Variants in SLC1A6 observed in about 807,000 individuals in gnomAD.
SLC1A6 encodes excitatory amino acid transporter 4.
SLC1A6 carries 15 observed loss-of-function variants against 42.1 expected under a neutral mutation model. That is an observed-to-expected ratio of 0.36 (90% CI 0.24 to 0.55). SLC1A6 has a LOEUF of 0.55. Ranked by LOEUF, SLC1A6 falls within the 20% of genes least tolerant of loss-of-function variation. SLC1A6 has a pLI of 0.88. For synonymous variants in SLC1A6, 317 were observed against 319.7 expected (o/e 0.99, Z 0.09); for missense variants, 542 against 772.5 (o/e 0.70, Z 3.54).
intron 1 of SLC1A6, among the ~76,000 whole-genome samples, chr19:15,008,341 T>A (rs1451573397): frequency 6.6e-6 from 1 of 151,684 alleles, no homozygotes; most frequent in East Asian, 1.9e-4. Context: ...TGGGGCTCAG[T>A]CTCTTTAGAA....
intron 1 of SLC1A6, among the ~76,000 whole-genome samples, chr19:14,989,764 T>A (rs201653540): frequency 1.7e-4 from 3 of 18,072 alleles, no homozygotes; most frequent in East Asian, 2.0e-3. Context: ...GGGGGTGGGG[T>A]GTGGATCACC....
At position 15,000,126 on chromosome 19, in the gene SLC1A6, C is replaced by A. The variant is rs139680858; in HGVS notation, c.6+10359G>T. Among the ~76,000 whole-genome samples the A allele has an allele frequency of 4.4e-4, 67 of 151,758 alleles. No homozygotes were observed. In the East Asian group the frequency reaches 4.9e-3, roughly 11 times the overall value. ...ACTCTAGGCTAATGTAAGTGTTCTG[C>A]GCATGTTTAAGGTAGATGAGGCTAA... is the stretch of plus-strand genomic sequence containing the variant. On this transcript the variant is annotated intron_variant, in intron 1 of 8. Transcript: ENST00000430939.
At chr19:14,996,622 A>G (rs1196791223) in intron 1 of SLC1A6, among the ~76,000 whole-genome samples, 2 of 133,732 alleles carry the variant, frequency 1.5e-5, no homozygotes, top group African/African-American at 2.8e-5. Flanking sequence ...TCTATCTGAC[A>G]TGATTTTGAT....
At chr19:14,974,144 C>T (rs1189771115) in intron 1 of SLC1A6, 1 of 152,036 alleles carries the variant, frequency 6.6e-6, no homozygotes, top group Non-Finnish European at 1.5e-5. Flanking sequence ...ATCACTTGAG[C>T]TCAGGAGTTC....
chr19:14,982,437 G>A (rs1425854071), upstream of SLC1A6, among the ~76,000 whole-genome samples: 1 of 151,732 alleles, frequency 6.6e-6, no homozygotes, highest in African/African-American at 2.4e-5. Context: ...GCTGAGGCAA[G>A]AGAATTACTT....
rs999302975 is a variant in SLC1A6, at chr19:14,972,570, A to C, written c.205+136T>G. 1.8e-5 allele frequency: 12 copies of C among 680,338 alleles called. No homozygotes were observed. The Admixed American group carries it at 3.1e-4, about 18-fold the overall frequency. The allele number at this position is 680,338 out of a possible 1,614,324, so 42.1% of individuals were successfully genotyped here. A position where few individuals can be genotyped will look rare whatever the true frequency, so the allele number is the denominator to read the frequency against. The stretch of plus-strand genomic sequence containing the variant: ...TGGTGTGTCTTTATGTGGGGGGTTG[A>C]GGGTGACTGGTGGGACTGGGACGTG... On this transcript the variant is annotated intron_variant, in intron 2 of 9. Transcript: ENST00000594383.
At chr19:14,969,341 T>C (rs879713213) in intron 3 of SLC1A6, among the ~76,000 whole-genome samples, 21 of 152,174 alleles carry the variant, frequency 1.4e-4, no homozygotes, top group African/African-American at 5.1e-4. Context: ...TCCTGAGAAT[T>C]GCCCTCAGCA....
At chr19:14,965,449 A>T (rs57735735) in intron 4 of SLC1A6, among the ~76,000 whole-genome samples, 28,371 of 152,188 alleles carry the variant, frequency 0.19, 2,963 homozygotes, top group South Asian at 0.27. Flanking sequence ...ATCACAGTAC[A>T]ATTCACAGTT....
At chr19:14,978,604 C>A (rs570039119) in intron 1 of SLC1A6, among the ~76,000 whole-genome samples, 1 of 152,016 alleles carries the variant, frequency 6.6e-6, no homozygotes, top group African/African-American at 2.4e-5. Context: ...TTCATGTACA[C>A]CCTCAGGCAC....
intron 4 of SLC1A6, among the ~76,000 whole-genome samples, chr19:14,967,105 G>A (rs2045582950): frequency 6.6e-6 from 1 of 152,118 alleles, no homozygotes; most frequent in Admixed American, 6.5e-5. Flanking sequence ...ACCCTCCAAT[G>A]ATGCTTAGGC....
rs202062822 is a variant in SLC1A6 at position 14,992,771 on chromosome 19, G to GAGGGC, written c.6+17709_6+17713dup. Among the ~76,000 whole-genome samples the GAGGGC allele has an allele frequency of 5.8e-3, 882 of 152,288 alleles. 9 individuals are homozygous for GAGGGC. Among genetic ancestry groups the GAGGGC allele is most frequent in the African/African-American group, 0.019 (781 of 41,554 alleles). ...GCTCCAACTCTGGCCCTAGCATTAG[G>GAGGGC]AGGGCAGGGCAGTGCAGACGGAGCA... On this transcript the variant is annotated intron_variant, in intron 1 of 8. Transcript: ENST00000430939.
chr19:14,971,708 G>C lies in SLC1A6; in HGVS notation c.343+29C>G, dbSNP rs758430214. The C allele has an allele frequency of 5.0e-6, 8 of 1,611,416 alleles. No individual in the cohort carries two copies. In the East Asian group the frequency reaches 1.6e-4, roughly 31 times the overall value. ...AAGCTGAGGCTCTAGACGGGTCTTG[G>C]AGGCCAACACTGGCCTGGGCTCTCT... is the stretch of plus-strand genomic sequence containing the variant. On this transcript the variant is annotated intron_variant, in intron 3 of 9. Transcript: ENST00000594383.
intron 3 of SLC1A6, among the ~76,000 whole-genome samples, chr19:14,969,305 G>C (rs10403281): frequency 0.29 from 43,684 of 152,104 alleles, 6,398 homozygotes; most frequent in African/African-American, 0.34. Context: ...AGAGCACTGA[G>C]TACAATAGCT....
rs1206566707 is a variant in SLC1A6 at position 14,962,256 on chromosome 19, T to C, written c.681A>G (p.Pro227=). The change falls in exon 6 of 10, where the codon CCA becomes CCG. Residue 227 remains proline (P), a synonymous_variant. Coordinates refer to ENST00000594383, the MANE Select transcript of SLC1A6 (RefSeq NM_005071.3). ...GSEPGASMPP[P]FSVENGTSFL... ...AGCTGGTTCCGTTCTCCACTGAGAA[T>C]GGAGGAGGCATGGAGGCACCCGGCT... 1.2e-6 allele frequency: 2 copies of C among 1,613,772 alleles called. No homozygotes were observed. The highest frequency in any genetic ancestry group is 1.7e-5 in the Admixed American group (1 of 59,990).
At chr19:15,007,908 C>G (rs2045903379) in intron 1 of SLC1A6, among the ~76,000 whole-genome samples, 1 of 151,850 alleles carries the variant, frequency 6.6e-6, no homozygotes, top group East Asian at 1.9e-4. Flanking sequence ...ACCTGTAATC[C>G]CAGCTACCCG....
chr19:15,001,885 T>C (rs779191944), intron 1 of SLC1A6, among the ~76,000 whole-genome samples: 10 of 152,126 alleles, frequency 6.6e-5, no homozygotes, highest in Non-Finnish European at 1.0e-4. Flanking sequence ...GGTCTCAAAC[T>C]CCTGGGCTTA....
At chr19:14,972,016 T>A in intron 2 of SLC1A6, 142 bp from the exon 3 acceptor site, 3 of 715,918 alleles carry the variant, frequency 4.2e-6, no homozygotes, top group Non-Finnish European at 6.9e-6. Flanking sequence ...GTGTGTGCAC[T>A]GATGTGTGCA....
At chr19:14,962,625 C>T (rs989921027) in intron 5 of SLC1A6, among the ~76,000 whole-genome samples, 16 of 152,134 alleles carry the variant, frequency 1.1e-4, no homozygotes, top group Admixed American at 9.8e-4. Context: ...ATAGAACTAC[C>T]GGCCGGGCAT....
At chr19:14,957,058 A>G (rs1029592020) in intron 6 of SLC1A6, among the ~76,000 whole-genome samples, 4 of 152,106 alleles carry the variant, frequency 2.6e-5, no homozygotes, top group African/African-American at 9.7e-5. Context: ...CCTTCCTTAG[A>G]CATTGCCAAG....
Sources: gnomAD v4.1 joint callset for allele counts (sites outside exome capture counted in the v4.1 genomes callset) on GRCh38, gnomAD v4.1.1 for gene constraint, MANE v1.5 for transcripts, NCBI Gene and HGNC (gene_info 2026-07-23, HGNC 2026-07-21) for gene names.